Variants in SLC24A3 observed in about 807,000 individuals in gnomAD.
The protein encoded by SLC24A3 is solute carrier family 24 member 3.
A neutral mutation model predicts 75.8 loss-of-function variants in SLC24A3; 28 were observed. That is an observed-to-expected ratio of 0.37 (90% CI 0.27 to 0.51). SLC24A3 has a LOEUF of 0.51. SLC24A3 is among the 20% of genes least tolerant of loss of function. The pLI, the probability that SLC24A3 is intolerant of heterozygous loss-of-function variation, is 0.94. For missense variants in SLC24A3, 663 were observed against 847.8 expected (o/e 0.78, Z 2.71); for synonymous variants, 372 against 334.1 (o/e 1.11, Z -1.24).
chr20:19,452,326 C>T (rs1459858726), intron 2 of SLC24A3, among the ~76,000 whole-genome samples: 1 of 150,062 alleles, frequency 6.7e-6, no homozygotes, highest in Non-Finnish European at 1.5e-5. Flanking sequence ...TTGTTAATGG[C>T]AAATTTAGAA....
intron 15 of SLC24A3, among the ~76,000 whole-genome samples, chr20:19,706,181 A>G (rs2122158308): frequency 6.6e-6 from 1 of 152,276 alleles, no homozygotes. Context: ...TTCTCACCCC[A>G]CACTGTCTGC....
intron 1 of SLC24A3, among the ~76,000 whole-genome samples, chr20:19,236,505 A>G (rs561741790): frequency 6.6e-6 from 1 of 152,102 alleles, no homozygotes; most frequent in Admixed American, 6.5e-5. Context: ...TAATCCTAGT[A>G]CTTCGGAAGG....
chr20:19,394,592 G>A lies in SLC24A3; in HGVS notation c.271+113505G>A, dbSNP rs534184520. Among the ~76,000 whole-genome samples the A allele has an allele frequency of 1.1e-4, 16 of 152,202 alleles. No homozygotes were observed. The South Asian group carries it at 1.2e-3, about 12-fold the overall frequency. On this transcript the variant is annotated intron_variant, in intron 2 of 16. Coordinates refer to ENST00000328041, the MANE Select transcript of SLC24A3 (RefSeq NM_020689.4). ...CTTCAAAAAAGATGTACAAGTGGCC[G>A]ACAAGTGTATGAAAAAATGCTCCAT... is the stretch of plus-strand genomic sequence containing the variant.
chr20:19,238,207 T>C (rs1257520061), intron 1 of SLC24A3, among the ~76,000 whole-genome samples: 1 of 152,200 alleles, frequency 6.6e-6, no homozygotes, highest in Non-Finnish European at 1.5e-5. Context: ...TCCCAGCTTC[T>C]AACAGCAGAG....
intron 3 of SLC24A3, among the ~76,000 whole-genome samples, chr20:19,561,469 A>G (rs1431944157): frequency 2.0e-5 from 3 of 152,104 alleles, no homozygotes; most frequent in South Asian, 4.1e-4. Context: ...AAATAAACCA[A>G]CCTCTTCAGC....
At chr20:19,708,950 G>T (rs796963772) in intron 15 of SLC24A3, among the ~76,000 whole-genome samples, 4 of 152,292 alleles carry the variant, frequency 2.6e-5, no homozygotes, top group African/African-American at 9.6e-5. Flanking sequence ...TCACAGTTTA[G>T]GTCCCTCAGA....
At chr20:19,685,074 G>T (rs1022249363) in intron 11 of SLC24A3, 26 bp from the exon 12 acceptor site, 1 of 1,580,950 alleles carries the variant, frequency 6.3e-7, no homozygotes, top group Non-Finnish European at 8.6e-7. Flanking sequence ...TCTGACCGTG[G>T]TAAGAGTGCG....
intron 6 of SLC24A3, among the ~76,000 whole-genome samples, chr20:19,591,564 G>C (rs887628713): frequency 2.0e-5 from 3 of 151,872 alleles, no homozygotes; most frequent in Non-Finnish European, 4.4e-5. Context: ...ACTTTGGCCA[G>C]GAAAGAGAAA....
chr20:19,633,042 C>T (rs2031953881), intron 6 of SLC24A3, among the ~76,000 whole-genome samples: 1 of 152,214 alleles, frequency 6.6e-6, no homozygotes, highest in African/African-American at 2.4e-5. Context: ...CAGCTGGCTC[C>T]ATTGCTGGGC....
chr20:19,357,823 G>A (rs1401748039), intron 2 of SLC24A3, among the ~76,000 whole-genome samples: 1 of 152,246 alleles, frequency 6.6e-6, no homozygotes, highest in Non-Finnish European at 1.5e-5. Context: ...GCAAAGCCAT[G>A]CAGATATCCC....
chr20:19,596,355 A>C (rs1270220263), intron 6 of SLC24A3, among the ~76,000 whole-genome samples: 2 of 152,184 alleles, frequency 1.3e-5, no homozygotes, highest in Non-Finnish European at 2.9e-5. Context: ...TGACATGGGA[A>C]AAATCATGGA....
intron 1 of SLC24A3, among the ~76,000 whole-genome samples, chr20:19,230,161 C>A (rs888121555): frequency 6.6e-6 from 1 of 151,918 alleles, no homozygotes; most frequent in Non-Finnish European, 1.5e-5. Context: ...AGGTCCAGGC[C>A]GGGGGTGTGC....
At chr20:19,658,294 T>C (rs900906664) in intron 7 of SLC24A3, among the ~76,000 whole-genome samples, 7 of 151,970 alleles carry the variant, frequency 4.6e-5, no homozygotes, top group Non-Finnish European at 7.4e-5. Context: ...AATAGAGTCC[T>C]TAAGACCTGG....
chr20:19,489,449 G>T (rs1010232360), intron 2 of SLC24A3, among the ~76,000 whole-genome samples: 1 of 152,174 alleles, frequency 6.6e-6, no homozygotes, highest in Non-Finnish European at 1.5e-5. Flanking sequence ...TATATTTGAA[G>T]TAGGCTTTGT....
At chr20:19,665,779 T>C in intron 7 of SLC24A3, 85 bp from the exon 8 acceptor site, 1 of 1,460,892 alleles carries the variant, frequency 6.8e-7, no homozygotes. Flanking sequence ...GGATACTGCG[T>C]GCAGCCTTAA....
chr20:19,498,458 C>G (rs1988330750), intron 2 of SLC24A3, among the ~76,000 whole-genome samples: 1 of 150,778 alleles, frequency 6.6e-6, no homozygotes, highest in African/African-American at 2.4e-5. Context: ...CACACCTTGT[C>G]TCTACTTCCC....
At chr20:19,332,775 T>C (rs2122294957) in intron 2 of SLC24A3, among the ~76,000 whole-genome samples, 1 of 152,248 alleles carries the variant, frequency 6.6e-6, no homozygotes, top group Non-Finnish European at 1.5e-5. Context: ...ACTCCAGCAC[T>C]ACATGGGATA....
chr20:19,269,066 G>A (rs1389125457), intron 1 of SLC24A3, among the ~76,000 whole-genome samples: 2 of 152,178 alleles, frequency 1.3e-5, no homozygotes, highest in African/African-American at 4.8e-5. Flanking sequence ...ATGGGATAAG[G>A]CCAGTCCTTA....
chr20:19,347,103 A>G (rs987118369), intron 2 of SLC24A3, among the ~76,000 whole-genome samples: 3 of 152,256 alleles, frequency 2.0e-5, no homozygotes, highest in Non-Finnish European at 4.4e-5. Flanking sequence ...GCTCAGCAAA[A>G]GAAGCCAATT....
Sources: gnomAD v4.1 joint callset for allele counts (sites outside exome capture counted in the v4.1 genomes callset) on GRCh38, gnomAD v4.1.1 for gene constraint, MANE v1.5 for transcripts, NCBI Gene and HGNC (gene_info 2026-07-23, HGNC 2026-07-21) for gene names.